Variants in RP1 observed in about 807,000 individuals in gnomAD.
RP1 encodes RP1 axonemal microtubule associated.
Under a neutral mutation model 14.8 loss-of-function variants are expected in RP1, and 16 were observed. The ratio of observed to expected loss-of-function variants is 1.08; its 90% CI spans 0.73 to 1.65. The LOEUF is 1.65. Ranked by LOEUF, RP1 falls within the 40% of genes most tolerant of loss-of-function variation. RP1 has a pLI of 0.00. For missense variants in RP1, 2,631 were observed against 2,535.0 expected, an observed-to-expected ratio of 1.04 and a Z score of -0.81; for synonymous variants, 876 against 883.6, an observed-to-expected ratio of 0.99 and a Z score of 0.15.
exon 5 of RP1, chr8:54,652,820 T>G: frequency 6.5e-7 from 1 of 1,535,964 alleles, no homozygotes; most frequent in Non-Finnish European, 8.7e-7. Flanking sequence ...AAGATTCGTA[T>G]TGGTCATACC....
intron 24 of RP1, among the ~76,000 whole-genome samples, chr8:54,814,081 C>G (rs544527315): frequency 6.6e-6 from 1 of 152,158 alleles, no homozygotes; most frequent in African/African-American, 2.4e-5. Flanking sequence ...GGCAGAGAAT[C>G]TCCTTACCTC....
chr8:54,758,488 G>C (rs991744392), intron 21 of RP1, among the ~76,000 whole-genome samples: 3 of 151,624 alleles, frequency 2.0e-5, no homozygotes, highest in Non-Finnish European at 4.4e-5. Flanking sequence ...GAAGGAGGGA[G>C]GAAGGAAGGA....
At chr8:54,789,880 A>C (rs760424418) in intron 24 of RP1, among the ~76,000 whole-genome samples, 1 of 152,094 alleles carries the variant, frequency 6.6e-6, no homozygotes, top group Non-Finnish European at 1.5e-5. Flanking sequence ...CACAGCCTTG[A>C]CCCTACCCAA....
At chr8:54,864,420 A>G (rs1398669270) in intron 27 of RP1, among the ~76,000 whole-genome samples, 1 of 152,186 alleles carries the variant, frequency 6.6e-6, no homozygotes, top group Non-Finnish European at 1.5e-5. Flanking sequence ...AAACATTTTA[A>G]TTTTCAGTGT....
At chr8:54,586,048 G>A (rs973227168) in intron 1 of RP1, among the ~76,000 whole-genome samples, 6 of 151,354 alleles carry the variant, frequency 4.0e-5, no homozygotes, top group South Asian at 2.1e-4. Context: ...GAGGAGCTGC[G>A]TTCCTTTGGA....
chr8:54,658,567 A>AG (rs1316114974), intron 6 of RP1, among the ~76,000 whole-genome samples: 1 of 149,376 alleles, frequency 6.7e-6, no homozygotes, highest in Non-Finnish European at 1.5e-5. Context: ...AAAAAAAAAA[A>AG]AAAAGACTGC....
intron 1 of RP1, among the ~76,000 whole-genome samples, chr8:54,560,052 G>A (rs902169301): frequency 6.6e-6 from 1 of 152,208 alleles, no homozygotes; most frequent in African/African-American, 2.4e-5. Context: ...GCAGCCGGCA[G>A]AATGTAGCTC....
At chr8:54,633,312 G>C (rs1806284392), downstream of RP1, among the ~76,000 whole-genome samples, 1 of 152,076 alleles carries the variant, frequency 6.6e-6, no homozygotes, top group Non-Finnish European at 1.5e-5. Context: ...TGGGGACTAT[G>C]GGACCCAACA....
At chr8:54,706,268 C>T (rs559885157) in intron 14 of RP1, among the ~76,000 whole-genome samples, 16 of 152,322 alleles carry the variant, frequency 1.1e-4, no homozygotes, top group African/African-American at 3.6e-4. Flanking sequence ...AAACCAACCT[C>T]CTTTTGTTTA....
At chr8:54,816,797 T>G (rs1811142148) in intron 24 of RP1, among the ~76,000 whole-genome samples, 1 of 152,208 alleles carries the variant, frequency 6.6e-6, no homozygotes, top group South Asian at 2.1e-4. Context: ...GGGAACCACC[T>G]ATCTTTTCAT....
At chr8:54,688,932 T>C (rs909455374) in intron 12 of RP1, among the ~76,000 whole-genome samples, 1 of 152,206 alleles carries the variant, frequency 6.6e-6, no homozygotes, top group Non-Finnish European at 1.5e-5. Context: ...TATTGATTCT[T>C]CCTATCCATG....
chr8:54,736,174 C>A (rs777797359), intron 18 of RP1, among the ~76,000 whole-genome samples: 2 of 152,228 alleles, frequency 1.3e-5, no homozygotes, highest in Non-Finnish European at 2.9e-5. Context: ...AGTTATGTGA[C>A]CTTGAATATG....
At chr8:54,681,911 T>C (rs762201366) in intron 12 of RP1, among the ~76,000 whole-genome samples, 2 of 152,194 alleles carry the variant, frequency 1.3e-5, no homozygotes, top group Non-Finnish European at 2.9e-5. Context: ...CCATGGTGGT[T>C]AGGTACCACA....
At chr8:54,666,055 G>T (rs563591329) in intron 7 of RP1, among the ~76,000 whole-genome samples, 25 of 152,186 alleles carry the variant, frequency 1.6e-4, no homozygotes, top group African/African-American at 6.0e-4. Context: ...ACAGCTAGGT[G>T]GTTTAGAGGC....
intron 12 of RP1, among the ~76,000 whole-genome samples, chr8:54,686,926 T>TAG (rs1807577276): frequency 6.6e-6 from 1 of 152,162 alleles, no homozygotes; most frequent in African/African-American, 2.4e-5. Flanking sequence ...ATTTACAATA[T>TAG]ATTACACAAC....
chr8:54,568,086 T>A (rs773911118), intron 1 of RP1, among the ~76,000 whole-genome samples: 5 of 152,166 alleles, frequency 3.3e-5, no homozygotes, highest in Non-Finnish European at 5.9e-5. Context: ...CACCTTATGG[T>A]CCATGAAGGC....
intron 21 of RP1, among the ~76,000 whole-genome samples, chr8:54,758,484 G>C (rs1434160032): frequency 6.6e-6 from 1 of 151,530 alleles, no homozygotes; most frequent in Admixed American, 6.6e-5. Flanking sequence ...GAGGGAAGGA[G>C]GGAGGAAGGA....
intron 24 of RP1, among the ~76,000 whole-genome samples, chr8:54,832,481 T>C (rs1391803974): frequency 6.6e-6 from 1 of 151,918 alleles, no homozygotes; most frequent in Non-Finnish European, 1.5e-5. Context: ...ATATAATTTC[T>C]AGATAGCACT....
intron 1 of RP1, among the ~76,000 whole-genome samples, chr8:54,565,078 C>T (rs1804372344): frequency 6.6e-6 from 1 of 152,092 alleles, no homozygotes; most frequent in Admixed American, 6.5e-5. Flanking sequence ...ACCACAGCTT[C>T]TCAGAGAGAA....
Sources: gnomAD v4.1 joint callset for allele counts (sites outside exome capture counted in the v4.1 genomes callset) on GRCh38, gnomAD v4.1.1 for gene constraint, MANE v1.5 for transcripts, NCBI Gene and HGNC (gene_info 2026-07-23, HGNC 2026-07-21) for gene names.